Variants in HTR1F observed in about 807,000 individuals in gnomAD.
HTR1F encodes the protein 5-hydroxytryptamine receptor 1F.
HTR1F carries 17 observed loss-of-function variants against 24.0 expected under a neutral mutation model. The observed-to-expected ratio is 0.71, with a 90% CI of 0.48 to 1.06. The LOEUF is 1.06. HTR1F is among the 50% of genes least tolerant of loss of function. The pLI is 0.00. For missense variants in HTR1F, 391 were observed against 427.8 expected, an observed-to-expected ratio of 0.91 and a Z score of 0.76; for synonymous variants, 186 against 156.8, an observed-to-expected ratio of 1.19 and a Z score of -1.39.
rs556289674 is a variant in HTR1F at position 87,980,999 on chromosome 3, G to C, written c.-42-9709G>C. 7.9e-5 allele frequency among the ~76,000 whole-genome samples: 12 copies of C among 152,152 alleles called. No homozygotes were observed. The South Asian group carries it at 2.1e-3, about 26-fold the overall frequency. ...GCTGGGGGGCTGCTGCTGCACCTGG[G>C]GGGGTGGGGCTCCCACCCCACCAAC... is the stretch of plus-strand genomic sequence containing the variant. On this transcript the variant is annotated intron_variant, in intron 2 of 2. Coordinates refer to ENST00000319595, the MANE Select transcript of HTR1F (RefSeq NM_001322209.2).
chr3:87,974,323 T>C (rs1281138333), intron 2 of HTR1F, among the ~76,000 whole-genome samples: 3 of 152,220 alleles, frequency 2.0e-5, no homozygotes, highest in Non-Finnish European at 4.4e-5. Flanking sequence ...TTTTCCATAT[T>C]CAGTATTTCT....
chr3:87,854,774 G>C (rs1705162297), intron 2 of HTR1F, among the ~76,000 whole-genome samples: 1 of 151,920 alleles, frequency 6.6e-6, no homozygotes, highest in South Asian at 2.1e-4. Context: ...TTTTTGTTTT[G>C]TGGTTCGAGA....
chr3:87,819,415 G>A (rs996364160), intron 1 of HTR1F, among the ~76,000 whole-genome samples: 1 of 151,038 alleles, frequency 6.6e-6, no homozygotes, highest in African/African-American at 2.4e-5. Flanking sequence ...ATTTTTAGAG[G>A]GCAGTTTTAT....
chr3:87,960,279 CA>C (rs1705032878), intron 2 of HTR1F, among the ~76,000 whole-genome samples: 1 of 151,914 alleles, frequency 6.6e-6, no homozygotes, highest in South Asian at 2.1e-4. Context: ...TACTAATATG[CA>C]ATTTGGAAAA....
intron 2 of HTR1F, among the ~76,000 whole-genome samples, chr3:87,888,811 A>G (rs1465860216): frequency 1.3e-5 from 2 of 152,178 alleles, no homozygotes; most frequent in Non-Finnish European, 2.9e-5. Context: ...AGCTGAAAGT[A>G]TTTAGCACAG....
At chr3:87,983,768 A>C (rs1237449306) in intron 2 of HTR1F, among the ~76,000 whole-genome samples, 1 of 152,192 alleles carries the variant, frequency 6.6e-6, no homozygotes, top group African/African-American at 2.4e-5. Context: ...TCAAGCACTA[A>C]TGGAAGAGTA....
chr3:87,827,946 A>G (rs747123586), intron 2 of HTR1F, among the ~76,000 whole-genome samples: 3 of 152,170 alleles, frequency 2.0e-5, no homozygotes, highest in Non-Finnish European at 2.9e-5. Flanking sequence ...CTACCTGCAC[A>G]AGATCTTCAT....
chr3:87,827,908 C>A (rs1184741591), intron 2 of HTR1F, among the ~76,000 whole-genome samples: 1 of 152,120 alleles, frequency 6.6e-6, no homozygotes, highest in Non-Finnish European at 1.5e-5. Flanking sequence ...ACCCTTCTCT[C>A]CTGGGGTAAC....
chr3:87,825,513 G>A (rs778746073), intron 2 of HTR1F, among the ~76,000 whole-genome samples: 3 of 151,998 alleles, frequency 2.0e-5, no homozygotes, highest in Non-Finnish European at 2.9e-5. Context: ...AGTCTCTCAT[G>A]CCAGAAGAGT....
At chr3:87,813,666 C>T (rs540738930) in intron 1 of HTR1F, among the ~76,000 whole-genome samples, 1 of 152,268 alleles carries the variant, frequency 6.6e-6, no homozygotes, top group South Asian at 2.1e-4. Flanking sequence ...ATTGTAATCT[C>T]CACGTGTCGA....
chr3:87,864,310 A>G (rs946011959), intron 2 of HTR1F, among the ~76,000 whole-genome samples: 3 of 152,178 alleles, frequency 2.0e-5, no homozygotes, highest in Non-Finnish European at 2.9e-5. Context: ...CTTCCTTGCA[A>G]TGGTGGCAGC....
At chr3:87,958,915 G>A (rs573477296) in intron 2 of HTR1F, among the ~76,000 whole-genome samples, 1 of 151,372 alleles carries the variant, frequency 6.6e-6, no homozygotes, top group African/African-American at 2.4e-5. Flanking sequence ...CCATGCATTT[G>A]GTACTCCATC....
chr3:87,793,714 T>C (rs1183268859), intron 1 of HTR1F: 1 of 152,050 alleles, frequency 6.6e-6, no homozygotes, highest in East Asian at 1.9e-4. Context: ...ATGAAAGAGG[T>C]GGCCACTGAT....
intron 2 of HTR1F, among the ~76,000 whole-genome samples, chr3:87,967,095 G>T (rs926747236): frequency 1.3e-5 from 2 of 152,088 alleles, no homozygotes; most frequent in African/African-American, 4.8e-5. Context: ...AATTTAAATA[G>T]AAATTGGTTG....
chr3:87,909,530 A>C (rs1408234741), intron 2 of HTR1F, among the ~76,000 whole-genome samples: 1 of 152,078 alleles, frequency 6.6e-6, no homozygotes, highest in African/African-American at 2.4e-5. Flanking sequence ...CTTTCCCTTT[A>C]GAAGCCTACT....
chr3:87,919,318 G>C (rs1213578374), intron 2 of HTR1F, among the ~76,000 whole-genome samples: 5 of 151,892 alleles, frequency 3.3e-5, no homozygotes, highest in African/African-American at 1.2e-4. Context: ...CTTAGGCAAA[G>C]ATTTTATGAC....
At chr3:87,897,532 A>C (rs1235318153) in intron 2 of HTR1F, among the ~76,000 whole-genome samples, 1 of 152,104 alleles carries the variant, frequency 6.6e-6, no homozygotes, top group African/African-American at 2.4e-5. Flanking sequence ...ATCCATGAAA[A>C]TATTAGCTTA....
At chr3:87,871,284 G>A (rs921460062) in intron 2 of HTR1F, among the ~76,000 whole-genome samples, 9 of 151,728 alleles carry the variant, frequency 5.9e-5, no homozygotes, top group Admixed American at 2.0e-4. Flanking sequence ...TTGACTAGAG[G>A]AGTTCAACAG....
At chr3:87,933,342 AGTTC>A (rs1704330575) in intron 2 of HTR1F, among the ~76,000 whole-genome samples, 1 of 151,516 alleles carries the variant, frequency 6.6e-6, no homozygotes, top group South Asian at 2.1e-4. Flanking sequence ...TAGTGTTGGA[AGTTC>A]TGGCCAGGGC....
Sources: gnomAD v4.1 joint callset for allele counts (sites outside exome capture counted in the v4.1 genomes callset) on GRCh38, gnomAD v4.1.1 for gene constraint, MANE v1.5 for transcripts, NCBI Gene and HGNC (gene_info 2026-07-23, HGNC 2026-07-21) for gene names.